PPFIA3: variants seen among roughly 807,000 people sequenced by gnomAD.
The protein encoded by PPFIA3 is liprin-alpha-3.
PPFIA3 carries 26 observed loss-of-function variants against 145.8 expected under a neutral mutation model. The ratio of observed to expected loss-of-function variants is 0.18; its 90% CI spans 0.13 to 0.25. The LOEUF is 0.25. PPFIA3 is among the 10% of genes least tolerant of loss of function. PPFIA3 has a pLI of 1.00. For missense variants in PPFIA3, 1,008 were observed against 1,587.8 expected, an observed-to-expected ratio of 0.63 and a Z score of 6.21; for synonymous variants, 645 against 661.4, an observed-to-expected ratio of 0.98 and a Z score of 0.38.
intron 1 of PPFIA3, among the ~76,000 whole-genome samples, 164 bp downstream of exon 1, chr19:49,119,886 C>T (rs2040913047): frequency 6.6e-6 from 1 of 151,914 alleles, no homozygotes; most frequent in Non-Finnish European, 1.5e-5. Flanking sequence ...CCTCCCGGCG[C>T]CCAGAGTCCC....
intron 16 of PPFIA3, 108 bp from the exon 17 acceptor site, chr19:49,139,560 T>A (rs960735106): frequency 8.0e-6 from 10 of 1,242,804 alleles, no homozygotes; most frequent in Non-Finnish European, 1.1e-5. Context: ...TATACTGTGT[T>A]CTAAACCAGG....
In PPFIA3 at chr19:49,141,378, C is replaced by T. The variant is rs772504031; in HGVS notation, c.2369-42C>T. 8.8e-6 allele frequency: 13 copies of T among 1,483,236 alleles called. No individual in the cohort carries two copies. The South Asian group carries it at 1.4e-4, about 16-fold the overall frequency. The allele number at this position is 1,483,236 out of a possible 1,614,324, so 91.9% of individuals were successfully genotyped here. On this transcript the variant is annotated intron_variant, in intron 18 of 29. Transcript: ENST00000334186. ...CCTCCAGCATGAAAGATTCTGCCTC[C>T]CCCTTGAGATTTTCCAAATTTCGAC...
At chr19:49,134,946 C>G (rs765356617) in intron 13 of PPFIA3, 31 bp downstream of exon 13, 2 of 1,515,502 alleles carry the variant, frequency 1.3e-6, no homozygotes, top group Admixed American at 2.2e-5. Flanking sequence ...CTGCCCCCAC[C>G]ATGGAGCCCC....
intron 5 of PPFIA3, among the ~76,000 whole-genome samples, chr19:49,129,703 G>T (rs551020226): frequency 6.6e-6 from 1 of 152,198 alleles, no homozygotes. Context: ...TGGGGCTCAG[G>T]CTGGGACTAA....
chr19:49,133,912 G>A lies in PPFIA3; in HGVS notation c.1245+33G>A. The A allele has an allele frequency of 6.2e-7, 1 of 1,611,904 alleles. No individual in the cohort carries two copies. The highest frequency in any genetic ancestry group is 1.1e-5 in the South Asian group (1 of 90,990). On this transcript the variant is annotated intron_variant, in intron 10 of 29. Transcript: ENST00000334186. This position sits in a 1 kb window ranked among gnomAD's most constrained non-coding sequence, Gnocchi z 7.2. ...GGCGGAAGACTGCACAGAGGGTGGG[G>A]CTTCGAGGCTGGGGCGGAGCTTAAT... is the stretch of plus-strand genomic sequence containing the variant.
At position 49,138,446 on chromosome 19, in the gene PPFIA3, C is replaced by T; in HGVS notation, c.2076+19C>T. 1 of 1,492,430 alleles carries T rather than the reference C, an allele frequency of 6.7e-7. No homozygotes were observed. The highest frequency in any genetic ancestry group is 2.4e-5 in the East Asian group (1 of 42,102). 92.4% of individuals were successfully genotyped at this position (1,492,430 alleles called of 1,614,324 possible). A position where few individuals can be genotyped will look rare whatever the true frequency, so the allele number is the denominator to read the frequency against. On this transcript the variant is annotated intron_variant, in intron 16 of 29. Transcript: ENST00000334186. ...CAAGGCTGTGAGTGCTCTGAAGTCT[C>T]CCCAGCCTAGTAGGGGGATGGGGAG...
chr19:49,147,162 T>C (rs2041289945), intron 23 of PPFIA3, among the ~76,000 whole-genome samples: 1 of 152,160 alleles, frequency 6.6e-6, no homozygotes, highest in African/African-American at 2.4e-5. Flanking sequence ...GTGATGGCCC[T>C]TTCTTAGTGG....
In PPFIA3 at chr19:49,128,141, AGGGGGCGGGGCCTC is replaced by A; in HGVS notation, c.240+34_240+47del. The A allele has an allele frequency of 3.0e-6, 1 of 333,150 alleles. No individual in the cohort carries two copies. Among genetic ancestry groups the A allele is most frequent in the Non-Finnish European group, 4.6e-6 (1 of 219,684 alleles). The allele number at this position is 333,150 out of a possible 1,614,324, so 20.6% of individuals were successfully genotyped here. ...CTGGGCGGGACAGGGGCGGGGCATGAGGGGGCGGGGCCTCGGGGGGAAGAAGGCGGTCCGGAAGG... is the reference window on the plus strand; with the variant it reads ...CTGGGCGGGACAGGGGCGGGGCATGAGGGGGGAAGAAGGCGGTCCGGAAGG... On this transcript the variant is annotated intron_variant, in intron 2 of 29. Coordinates refer to ENST00000334186, the MANE Select transcript of PPFIA3 (RefSeq NM_003660.4). The surrounding 1 kb of genome is among the most constrained non-coding windows in gnomAD (Gnocchi z 4.1).
rs1471562151 is a variant in PPFIA3, at chr19:49,128,100, T to C, written c.227T>C (p.Ile76Thr). ...GACTCGCTGCAGCGCCAGCTCAGCA[T>C]CGCGCTGCCCCAGGTCTGGGCGGGA... ...EKDSLQRQLS[I>T]ALPQEFAALT... is the part of the protein sequence containing the mutation. Residue 76 changes from isoleucine to threonine, a missense_variant, in exon 2 of 30, where the codon ATC becomes ACC. This residue lies in a region of PPFIA3 where 108 missense variants were observed against 144.3 expected (regional missense o/e 0.75). Coordinates refer to ENST00000334186, the MANE Select transcript of PPFIA3 (RefSeq NM_003660.4). This position sits in a 1 kb window ranked among gnomAD's most constrained non-coding sequence, Gnocchi z 4.1. 6.7e-7 allele frequency: 1 copy of C among 1,493,432 alleles called. No homozygotes were observed. Among genetic ancestry groups the C allele is most frequent in the Non-Finnish European group, 8.9e-7 (1 of 1,121,508 alleles). The allele number at this position is 1,493,432 out of a possible 1,614,324, so 92.5% of individuals were successfully genotyped here. A position where few individuals can be genotyped will look rare whatever the true frequency, so the allele number is the denominator to read the frequency against.
chr19:49,140,229 A>G, intron 18 of PPFIA3, 141 bp downstream of exon 18: 1 of 1,158,072 alleles, frequency 8.6e-7, no homozygotes, highest in Non-Finnish European at 1.2e-6. Flanking sequence ...GAAGGAACAC[A>G]GCTTGCCAAG....
Position 49,130,060 on chromosome 19 carries a change from A to G in PPFIA3, c.650A>G (p.Asp217Gly), listed in dbSNP as rs374184694. The change falls in exon 6 of 30, where the codon GAT becomes GGT. Residue 217 changes from aspartate (D) to glycine (G), a missense_variant. Physicochemically the swap from Asp to Gly is moderately conservative, Grantham distance 94. Around this residue, in one of 11 missense-constraint regions of PPFIA3, gnomAD observed 136 missense variants for 160.7 expected, o/e 0.85. Transcript: ENST00000334186. The surrounding 1 kb of genome is among the most constrained non-coding windows in gnomAD (Gnocchi z 4.5). The stretch of plus-strand genomic sequence containing the variant: ...CTGGAAGAGCCGGGCAAGGATGGGG[A>G]TGGGCAGGTGAGACATGGAAGTCCC... Reference protein sequence around the residue: ...SGLEEPGKDGDGQTLANGLGP... With the variant: ...SGLEEPGKDGGGQTLANGLGP... The G allele has an allele frequency of 5.3e-5, 85 of 1,611,634 alleles. No homozygotes were observed. Among genetic ancestry groups the G allele is most frequent in the Non-Finnish European group, 7.1e-5 (84 of 1,179,262 alleles).
chr19:49,149,974 C>G lies in PPFIA3; in HGVS notation c.3527-106C>G. The stretch of plus-strand genomic sequence containing the variant: ...GAAGGGAGGGAAACCCATGTGGAGC[C>G]CGGCGATCGTTGTGACATCGGGAAG... On this transcript the variant is annotated intron_variant, in intron 28 of 29. Transcript: ENST00000334186. This position sits in a 1 kb window ranked among gnomAD's most constrained non-coding sequence, Gnocchi z 5.7. 7.3e-7 allele frequency: 1 copy of G among 1,362,602 alleles called. No individual in the cohort carries two copies. Among genetic ancestry groups the G allele is most frequent in the Non-Finnish European group, 1.0e-6 (1 of 991,338 alleles). 84.4% of individuals were successfully genotyped at this position (1,362,602 alleles called of 1,614,324 possible). A position where few individuals can be genotyped will look rare whatever the true frequency, so the allele number is the denominator to read the frequency against.
Position 49,133,023 on chromosome 19 carries a change from T to G in PPFIA3, c.902T>G (p.Met301Arg). 1 of 1,611,904 alleles carries G rather than the reference T, an allele frequency of 6.2e-7. No homozygotes were observed. The highest frequency in any genetic ancestry group is 8.5e-7 in the Non-Finnish European group (1 of 1,179,738). The change falls in exon 8 of 30, where the codon ATG (methionine) becomes AGG (arginine). Residue 301 changes from methionine (M) to arginine (R), a missense_variant. Around this residue, in one of 11 missense-constraint regions of PPFIA3, gnomAD observed 109 missense variants for 198.1 expected, o/e 0.55. Coordinates refer to ENST00000334186, the MANE Select transcript of PPFIA3 (RefSeq NM_003660.4). The surrounding 1 kb of genome is among the most constrained non-coding windows in gnomAD (Gnocchi z 7.2). Reference protein sequence around the residue: ...LKEALAQREDMEERITTLEKR... With the variant: ...LKEALAQREDREERITTLEKR... ...CAGGCGCTGGCGCAGCGGGAAGATA[T>G]GGAGGAGCGGATTACAACACTGGAG...
chr19:49,126,081 G>A (rs2040994659), intron 1 of PPFIA3, among the ~76,000 whole-genome samples: 1 of 152,000 alleles, frequency 6.6e-6, no homozygotes, highest in South Asian at 2.1e-4. Flanking sequence ...CTCCCGAGTA[G>A]CTGGGACTAC....
rs1421942440 is a variant in PPFIA3, at chr19:49,136,945, C to A, written c.1853+34C>A. The A allele has an allele frequency of 8.2e-6, 12 of 1,458,722 alleles. No individual in the cohort carries two copies. In the South Asian group the frequency reaches 1.7e-4, roughly 20 times the overall value. 90.4% of individuals were successfully genotyped at this position (1,458,722 alleles called of 1,614,324 possible). On this transcript the variant is annotated intron_variant, in intron 15 of 29. Transcript: ENST00000334186. ...TGGCCCCGCCCCGGCCTGCCCTGCC[C>A]TGCCGGAGCTGACTCCACAGCCCTT...
intron 1 of PPFIA3, among the ~76,000 whole-genome samples, chr19:49,119,981 G>A (rs998629378): frequency 1.3e-5 from 2 of 151,890 alleles, no homozygotes; most frequent in Non-Finnish European, 2.9e-5. Flanking sequence ...TCCGGCCCCG[G>A]GACCCCTCCT....
rs369466524 is a variant in PPFIA3 at position 49,123,016 on chromosome 19, C to T, written c.-16+3294C>T. 6.0e-5 allele frequency among the ~76,000 whole-genome samples: 9 copies of T among 150,538 alleles called. No homozygotes were observed. The East Asian group carries it at 1.2e-3, about 20-fold the overall frequency. On this transcript the variant is annotated intron_variant, in intron 1 of 29. Transcript: ENST00000334186. ...GATTACAGGCAGGAGCCACCACGCC[C>T]GGCCTGTTGTTTAGTTTTTATTTTA...
rs770369735 is a variant in PPFIA3, at chr19:49,143,013, C to T, written c.2745+9C>T. The T allele has an allele frequency of 8.8e-6, 14 of 1,599,510 alleles. No homozygotes were observed. The highest frequency in any genetic ancestry group is 1.1e-5 in the South Asian group (1 of 91,014). On this transcript the variant is annotated intron_variant, in intron 21 of 29. Coordinates refer to ENST00000334186, the MANE Select transcript of PPFIA3 (RefSeq NM_003660.4). ...CCGCCTCCTCCCGCACTGTGAGTGT[C>T]CGGCGGCCAATTCCAGCCTTCGCTT...
rs1256490074 is a variant in PPFIA3, at chr19:49,135,875, G to A, written c.1617G>A (p.Arg539=). ...ATCCCTATGTGGCTGGCAGTGGTCG[G>A]GCAGGCAAGAGGGGCCGCTGGTCAG... ...HLDPYVAGSG[R]AGKRGRWSGV... The change falls in exon 14 of 30, where the codon CGG becomes CGA. Residue 539 remains arginine (R), a synonymous_variant. Coordinates refer to ENST00000334186, the MANE Select transcript of PPFIA3 (RefSeq NM_003660.4). 1.2e-6 allele frequency: 2 copies of A among 1,613,592 alleles called. No individual in the cohort carries two copies.
Sources: gnomAD v4.1 joint callset for allele counts (sites outside exome capture counted in the v4.1 genomes callset) on GRCh38, gnomAD v4.1.1 for gene constraint, gnomAD v4.1.1 regional missense constraint, Gnocchi (gnomAD v3.1) non-coding constraint, MANE v1.5 for transcripts, NCBI Gene and HGNC (gene_info 2026-07-23, HGNC 2026-07-21) for gene names.